MYLK: variants seen among roughly 807,000 people sequenced by gnomAD.
MYLK encodes the protein myosin light chain kinase.
MYLK carries 106 observed loss-of-function variants against 203.4 expected under a neutral mutation model. The observed-to-expected ratio is 0.52, with a 90% CI of 0.45 to 0.61. MYLK has a LOEUF of 0.61. Among genes scored for constraint, MYLK ranks in the 20% least tolerant of loss-of-function variants. The probability of loss-of-function intolerance (pLI) is 0.00; values close to 1 mark genes in which losing one functional copy is unlikely to be tolerated. For missense variants in MYLK, 2,072 were observed against 2,442.3 expected, an observed-to-expected ratio of 0.85 and a Z score of 3.20; for synonymous variants, 867 against 959.5, an observed-to-expected ratio of 0.90 and a Z score of 1.78.
chr3:123,797,350 T>C (rs1244017565), intron 3 of MYLK, among the ~76,000 whole-genome samples: 1 of 152,138 alleles, frequency 6.6e-6, no homozygotes, highest in Non-Finnish European at 1.5e-5. Flanking sequence ...TTAAAATATA[T>C]TTACTAAATA....
intron 4 of MYLK, among the ~76,000 whole-genome samples, chr3:123,775,373 G>A (rs1052449359): frequency 6.6e-6 from 1 of 152,192 alleles, no homozygotes; most frequent in African/African-American, 2.4e-5. Context: ...GTAAGTTCAG[G>A]AAAGTGTGTG....
At chr3:123,852,565 C>T (rs1036835471) in intron 2 of MYLK, among the ~76,000 whole-genome samples, 2 of 152,104 alleles carry the variant, frequency 1.3e-5, no homozygotes, top group Non-Finnish European at 2.9e-5. Flanking sequence ...TCTGTGGGAT[C>T]GGTGGTGATA....
intron 19 of MYLK, among the ~76,000 whole-genome samples, chr3:123,682,670 T>C (rs991609756): frequency 1.3e-5 from 2 of 152,168 alleles, no homozygotes; most frequent in Non-Finnish European, 2.9e-5. Context: ...CTTGTCTCCC[T>C]CATGCTAGAA....
intron 13 of MYLK, among the ~76,000 whole-genome samples, chr3:123,711,693 T>C (rs2061700805): frequency 6.6e-6 from 1 of 152,190 alleles, no homozygotes; most frequent in Non-Finnish European, 1.5e-5. Flanking sequence ...AATTTTTGTT[T>C]TTGTTTTTGG....
rs753024354 is a variant in MYLK at position 123,614,135 on chromosome 3, A to C, written c.5715T>G (p.Gly1905=). Residue 1905 remains glycine, a synonymous_variant, in exon 34 of 34, where the codon GGT becomes GGG. Transcript: ENST00000360304. ...AELIVETMEE[G]EGEGEEEEE ...CTTCTTCCTCTTCCCCTTCCCCTTC[A>C]CCTTCCTCCATCGTTTCCACAATGA... The C allele has an allele frequency of 1.1e-4, 171 of 1,609,582 alleles. No homozygotes were observed. Among genetic ancestry groups the C allele is most frequent in the Non-Finnish European group, 1.3e-4 (154 of 1,179,206 alleles).
chr3:123,876,233 A>G (rs2033144001), intron 2 of MYLK, among the ~76,000 whole-genome samples: 2 of 152,148 alleles, frequency 1.3e-5, no homozygotes, highest in Non-Finnish European at 2.9e-5. Flanking sequence ...TTATTCCAGG[A>G]AGGCAAGAAT....
intron 4 of MYLK, among the ~76,000 whole-genome samples, chr3:123,765,260 C>G (rs6773676): frequency 0.12 from 18,749 of 152,074 alleles, 3,733 homozygotes; most frequent in African/African-American, 0.42. Flanking sequence ...GGTTGGGTGT[C>G]GTGGCTCACA....
At chr3:123,743,578 C>A (rs2062925225) in intron 5 of MYLK, among the ~76,000 whole-genome samples, 1 of 151,942 alleles carries the variant, frequency 6.6e-6, no homozygotes, top group Non-Finnish European at 1.5e-5. Flanking sequence ...AGTAGAAATG[C>A]AAAAAATAGA....
chr3:123,837,489 T>TATATATTATATATATTACATATAATA (rs1279505855), intron 2 of MYLK, among the ~76,000 whole-genome samples: 2 of 147,836 alleles, frequency 1.4e-5, no homozygotes, highest in Non-Finnish European at 3.0e-5. Context: ...TATATATAAT[T>TATATATTATATATATTACATATAATA]ATATATTATA....
intron 11 of MYLK, 114 bp downstream of exon 11, chr3:123,732,782 G>A (rs2062526599): frequency 1.2e-5 from 12 of 1,019,760 alleles, no homozygotes; most frequent in East Asian, 2.6e-5. Context: ...CATTTCTGTC[G>A]GGCTGTGCAC....
chr3:123,622,450 T>C (rs2057918565), intron 31 of MYLK: 1 of 152,258 alleles, frequency 6.6e-6, no homozygotes, highest in African/African-American at 2.4e-5. Context: ...CTTGAGCCCA[T>C]GGGCTCCCCA....
chr3:123,874,446 G>A (rs1226787402), intron 2 of MYLK, among the ~76,000 whole-genome samples: 1 of 152,102 alleles, frequency 6.6e-6, no homozygotes, highest in Non-Finnish European at 1.5e-5. Flanking sequence ...ATGCACAACA[G>A]AATCTCTATC....
intron 8 of MYLK, among the ~76,000 whole-genome samples, chr3:123,736,826 G>A (rs528205873): frequency 6.6e-6 from 1 of 152,300 alleles, no homozygotes; most frequent in East Asian, 1.9e-4. Flanking sequence ...AAGGACTGAA[G>A]ACATGGTGGG....
At chr3:123,842,625 A>G (rs2066621277) in intron 2 of MYLK, among the ~76,000 whole-genome samples, 1 of 152,254 alleles carries the variant, frequency 6.6e-6, no homozygotes, top group Admixed American at 6.5e-5. Context: ...TCATATAGTC[A>G]ATAACAAAAA....
At chr3:123,759,082 C>T (rs1242928398) in intron 4 of MYLK, among the ~76,000 whole-genome samples, 2 of 152,174 alleles carry the variant, frequency 1.3e-5, no homozygotes, top group Non-Finnish European at 2.9e-5. Flanking sequence ...GCCTTGGCTT[C>T]CCAAAGTGCT....
intron 3 of MYLK, among the ~76,000 whole-genome samples, chr3:123,804,575 T>A (rs1457391969): frequency 6.6e-6 from 1 of 152,106 alleles, no homozygotes; most frequent in Non-Finnish European, 1.5e-5. Context: ...GCCTTCTGTC[T>A]AAAATGGCCT....
In MYLK at chr3:123,725,942, A is replaced by G. The variant is rs1210002201; in HGVS notation, c.1651+2T>C. ...CAGAGAGCTGGGGCAGGGGGAACTC[A>G]CCATTCAGCAGCCAAGTGATCCGGG... On this transcript the variant is annotated splice_donor_variant, in intron 12 of 33. Transcript: ENST00000360304. LOFTEE classifies it high-confidence loss of function. 1.2e-6 allele frequency: 2 copies of G among 1,613,506 alleles called. No homozygotes were observed. The highest frequency in any genetic ancestry group is 2.7e-5 in the African/African-American group (2 of 74,942).
chr3:123,788,453 T>C (rs1396446069), intron 4 of MYLK, among the ~76,000 whole-genome samples: 8 of 151,574 alleles, frequency 5.3e-5, no homozygotes, highest in Admixed American at 5.3e-4. Flanking sequence ...GTTAGTTACA[T>C]ATGTATACAT....
intron 2 of MYLK, among the ~76,000 whole-genome samples, chr3:123,843,523 ACT>A (rs1485144544): frequency 2.0e-5 from 3 of 151,984 alleles, no homozygotes; most frequent in African/African-American, 7.3e-5. Flanking sequence ...TTTACAGAAA[ACT>A]CTGCTACATT....
Sources: allele counts gnomAD v4.1 joint callset (sites outside exome capture counted in the v4.1 genomes callset), GRCh38; gene constraint gnomAD v4.1.1; transcripts MANE v1.5; gene names NCBI Gene and HGNC (gene_info 2026-07-23, HGNC 2026-07-21).